The following SLC24A2 variants were observed in gnomAD, a reference collection of about 807,000 sequenced individuals.
SLC24A2 encodes solute carrier family 24 member 2.
A neutral mutation model predicts 62.0 loss-of-function variants in SLC24A2; 36 were observed. The ratio of observed to expected loss-of-function variants is 0.58; its 90% CI spans 0.44 to 0.77. SLC24A2 has a LOEUF of 0.77. Among genes scored for constraint, SLC24A2 ranks in the 30% least tolerant of loss-of-function variants. The pLI, the probability that SLC24A2 is intolerant of heterozygous loss-of-function variation, is 0.00. For synonymous variants in SLC24A2, 358 were observed against 294.0 expected, an observed-to-expected ratio of 1.22 and a Z score of -2.23; for missense variants, 846 against 817.9, an observed-to-expected ratio of 1.03 and a Z score of -0.42.
intron 2 of SLC24A2, among the ~76,000 whole-genome samples, chr9:19,659,784 C>T (rs1341631073): frequency 6.6e-6 from 1 of 152,064 alleles, no homozygotes; most frequent in African/African-American, 2.4e-5. Flanking sequence ...TGAAGAGGCA[C>T]AGACACACTT....
intron 9 of SLC24A2, among the ~76,000 whole-genome samples, chr9:19,522,175 G>GT (rs752994614): frequency 1.3e-4 from 19 of 151,788 alleles, no homozygotes; most frequent in South Asian, 4.2e-4. Flanking sequence ...CACCTGGCTA[G>GT]TTTTTTTTAG....
At chr9:19,878,345 A>T in the SLC24A2 span, among the ~76,000 whole-genome samples, 8 of 152,342 alleles carry the variant, frequency 5.3e-5, no homozygotes, top group South Asian at 1.4e-3. Context: ...GGCCAGTTCC[A>T]TTGGATAATC....
the SLC24A2 span, among the ~76,000 whole-genome samples, chr9:20,090,030 C>T: frequency 6.6e-6 from 1 of 152,078 alleles, no homozygotes; most frequent in African/African-American, 2.4e-5. Context: ...TGCTACCCAG[C>T]TATCTTCAGA....
the SLC24A2 span, among the ~76,000 whole-genome samples, chr9:19,865,118 C>G: frequency 6.6e-6 from 1 of 151,896 alleles, no homozygotes; most frequent in African/African-American, 2.4e-5. Context: ...TAGGAATCGA[C>G]TTAACCGAAT....
intron 2 of SLC24A2, among the ~76,000 whole-genome samples, chr9:19,670,058 C>A (rs979929826): frequency 4.6e-5 from 7 of 152,150 alleles, no homozygotes; most frequent in African/African-American, 1.7e-4. Flanking sequence ...GAAATATATA[C>A]CCCAGTAAAA....
At chr9:19,967,577 C>T in the SLC24A2 span, 1 of 152,170 alleles carries the variant, frequency 6.6e-6, no homozygotes, top group Admixed American at 6.6e-5. Context: ...TCTTTCCATG[C>T]TTCCAGTTCT....
the SLC24A2 span, among the ~76,000 whole-genome samples, chr9:19,951,008 C>G: frequency 5.9e-5 from 9 of 152,146 alleles, no homozygotes; most frequent in African/African-American, 2.2e-4. Flanking sequence ...AACTGTAGAG[C>G]TGGGATGTTC....
chr9:19,521,581 T>G (rs778954361), intron 9 of SLC24A2, among the ~76,000 whole-genome samples: 1 of 152,220 alleles, frequency 6.6e-6, no homozygotes, highest in African/African-American at 2.4e-5. Context: ...TCTGGGTGTT[T>G]CGGGTTTTGG....
the SLC24A2 span, among the ~76,000 whole-genome samples, chr9:20,136,443 A>G: frequency 6.6e-6 from 1 of 152,154 alleles, no homozygotes; most frequent in Non-Finnish European, 1.5e-5. Context: ...GGGCAACCCA[A>G]AAAAATCATT....
intron 7 of SLC24A2, among the ~76,000 whole-genome samples, chr9:19,556,540 C>T (rs1459274953): frequency 6.6e-6 from 1 of 152,128 alleles, no homozygotes; most frequent in African/African-American, 2.4e-5. Context: ...AACATCTCAT[C>T]ACCAGTTCAC....
chr9:19,940,861 T>G, the SLC24A2 span, among the ~76,000 whole-genome samples: 1 of 152,236 alleles, frequency 6.6e-6, no homozygotes, highest in Non-Finnish European at 1.5e-5. Flanking sequence ...CAAACGCCAC[T>G]GACAACAAAA....
At chr9:19,846,881 G>C in the SLC24A2 span, among the ~76,000 whole-genome samples, 3 of 152,008 alleles carry the variant, frequency 2.0e-5, no homozygotes, top group East Asian at 5.8e-4. Flanking sequence ...AAAAAATGAG[G>C]CATGGTGGTG....
chr9:19,719,043 C>T (rs59940399), intron 2 of SLC24A2, among the ~76,000 whole-genome samples: 1 of 151,928 alleles, frequency 6.6e-6, no homozygotes, highest in East Asian at 1.9e-4. Flanking sequence ...GAGTCTCAGT[C>T]ACCTCTCTTC....
the SLC24A2 span, among the ~76,000 whole-genome samples, chr9:20,289,780 C>T: frequency 6.6e-6 from 1 of 152,148 alleles, no homozygotes; most frequent in Non-Finnish European, 1.5e-5. Flanking sequence ...TATCAGGATG[C>T]CACACTTAGG....
chr9:19,790,292 A>G (rs912692325), upstream of SLC24A2, among the ~76,000 whole-genome samples: 1 of 152,200 alleles, frequency 6.6e-6, no homozygotes, highest in African/African-American at 2.4e-5. Flanking sequence ...AAAGTAGTAT[A>G]ATGAATCTCC....
At chr9:19,602,817 G>T (rs966250882) in intron 4 of SLC24A2, among the ~76,000 whole-genome samples, 10 of 152,222 alleles carry the variant, frequency 6.6e-5, no homozygotes, top group East Asian at 5.8e-4. Context: ...TATCTTATAG[G>T]ATTGATGTGG....
chr9:19,918,950 T>A, the SLC24A2 span, among the ~76,000 whole-genome samples: 2 of 152,200 alleles, frequency 1.3e-5, no homozygotes, highest in Non-Finnish European at 2.9e-5. Context: ...GCAAGAAAGA[T>A]AATTTGGGTC....
intron 2 of SLC24A2, among the ~76,000 whole-genome samples, chr9:19,641,709 T>C (rs1267944411): frequency 6.6e-6 from 1 of 152,078 alleles, no homozygotes; most frequent in Non-Finnish European, 1.5e-5. Context: ...AAGACAGGGT[T>C]AAACATTTTT....
chr9:19,719,860 T>G (rs1259259211), intron 2 of SLC24A2, among the ~76,000 whole-genome samples: 2 of 152,200 alleles, frequency 1.3e-5, no homozygotes, highest in African/African-American at 2.4e-5. Context: ...ACCTAGAAAC[T>G]GTGTTCATCA....
Sources: allele counts gnomAD v4.1 joint callset (sites outside exome capture counted in the v4.1 genomes callset), GRCh38; gene constraint gnomAD v4.1.1; transcripts MANE v1.5; gene names NCBI Gene and HGNC (gene_info 2026-07-23, HGNC 2026-07-21).